The following ZFAT variants were observed in gnomAD, a reference collection of about 807,000 sequenced individuals.
The protein encoded by ZFAT is zinc finger protein ZFAT.
In ZFAT, 64 loss-of-function variants were observed where a neutral mutation model predicts 117.7. The observed-to-expected ratio is 0.54, with a 90% CI of 0.44 to 0.67. ZFAT has a LOEUF of 0.67. Ranked by LOEUF, ZFAT falls within the 30% of genes least tolerant of loss-of-function variation. The pLI, the probability that ZFAT is intolerant of heterozygous loss-of-function variation, is 0.00. For missense variants in ZFAT, 1,433 were observed against 1,584.5 expected (o/e 0.90, Z 1.62); for synonymous variants, 679 against 615.0 (o/e 1.10, Z -1.54).
the ZFAT span, among the ~76,000 whole-genome samples, chr8:134,743,450 T>C: frequency 6.6e-6 from 1 of 151,740 alleles, no homozygotes; most frequent in African/African-American, 2.4e-5. Flanking sequence ...GATCACACCA[T>C]TGCACTCCAG....
At position 134,610,662 on chromosome 8, in the gene ZFAT, A is replaced by G; in HGVS notation, c.449-7T>C. 6.2e-7 allele frequency: 1 copy of G among 1,613,524 alleles called. No individual in the cohort carries two copies. The highest frequency in any genetic ancestry group is 8.5e-7 in the Non-Finnish European group (1 of 1,179,880). ...TCAAGGTCAGACTCGTTACCTAAGG[A>G]GCAAATACCAAGATGCATAAGGTAT... On this transcript the variant is annotated splice_polypyrimidine_tract_variant and splice_region_variant and intron_variant, in intron 3 of 15. Transcript: ENST00000377838.
the ZFAT span, among the ~76,000 whole-genome samples, chr8:134,814,867 A>C: frequency 2.0e-5 from 3 of 152,254 alleles, no homozygotes; most frequent in Admixed American, 6.5e-5. Context: ...CAGCAGATAC[A>C]AAGCAAACAG....
rs878926182 is a variant in ZFAT at position 134,610,765 on chromosome 8, C to T, written c.449-110G>A. The stretch of plus-strand genomic sequence containing the variant: ...AGTAAAGGAAACACAGCTCTTTGGT[C>T]TGCAGTGCCACGCAGACCACGGAAT... On this transcript the variant is annotated intron_variant, in intron 3 of 15. Transcript: ENST00000377838. 64 of 1,294,826 alleles carry T rather than the reference C, an allele frequency of 4.9e-5. No homozygotes were observed. In the South Asian group the frequency reaches 8.5e-4, roughly 17 times the overall value. The allele number at this position is 1,294,826 out of a possible 1,614,324, so 80.2% of individuals were successfully genotyped here.
rs115328212 is a variant in ZFAT, at chr8:134,569,150, C to T, written c.2888-3729G>A. On this transcript the variant is annotated intron_variant, in intron 10 of 15. Transcript: ENST00000377838. Reference sequence around the variant, plus strand: ...CATCATGAGTTGCACTGGGGCATGACGTGTAAAATCTTACCATGCACCAAA... The same window carrying T: ...CATCATGAGTTGCACTGGGGCATGATGTGTAAAATCTTACCATGCACCAAA... 7.5e-3 allele frequency among the ~76,000 whole-genome samples: 1,143 copies of T among 152,208 alleles called. 16 individuals are homozygous for T. The highest frequency in any genetic ancestry group is 0.025 in the African/African-American group (1,046 of 41,508).
At chr8:134,601,384 C>A in intron 6 of ZFAT, 93 bp downstream of exon 6, 2 of 1,502,676 alleles carry the variant, frequency 1.3e-6, no homozygotes, top group African/African-American at 1.4e-5. Context: ...AGAAGGTATT[C>A]TTTGCAAACA....
chr8:134,665,462 G>A lies in ZFAT; in HGVS notation c.20-7725C>T, dbSNP rs181096299. On this transcript the variant is annotated intron_variant, in intron 1 of 15. Transcript: ENST00000377838. Reference sequence around the variant, plus strand: ...AGAGTGTCCTCCTCCTGCTGCTGCTGTCCTCTGTACGCCCACCTGGTGGGA... The same window carrying A: ...AGAGTGTCCTCCTCCTGCTGCTGCTATCCTCTGTACGCCCACCTGGTGGGA... 1.7e-4 allele frequency among the ~76,000 whole-genome samples: 26 copies of A among 152,320 alleles called. 1 individual carries two copies. Among genetic ancestry groups the A allele is most frequent in the African/African-American group, 6.3e-4 (26 of 41,572 alleles).
At chr8:134,760,814 C>T in the ZFAT span, among the ~76,000 whole-genome samples, 397 of 152,252 alleles carry the variant, frequency 2.6e-3, 1 homozygote, top group Middle Eastern at 0.024. Flanking sequence ...TGAGAACATA[C>T]GAGAATTTTA....
At chr8:134,481,825 C>T (rs1817330168) in intron 15 of ZFAT, among the ~76,000 whole-genome samples, 1 of 152,206 alleles carries the variant, frequency 6.6e-6, no homozygotes, top group Admixed American at 6.5e-5. Context: ...CGCCTGGGAC[C>T]ACTTCTTGGA....
chr8:134,565,535 A>G, intron 10 of ZFAT, 114 bp from the exon 11 acceptor site: 1 of 977,130 alleles, frequency 1.0e-6, no homozygotes, highest in Non-Finnish European at 1.6e-6. Context: ...TGTGAGGATC[A>G]GAATCTCAGA....
intron 3 of ZFAT, among the ~76,000 whole-genome samples, chr8:134,626,101 G>A (rs565696578): frequency 2.0e-5 from 3 of 152,312 alleles, no homozygotes; most frequent in South Asian, 4.1e-4. Context: ...CCTGCAAAAG[G>A]CCCTGAGTAC....
chr8:134,670,120 C>A (rs1467095734), intron 1 of ZFAT, among the ~76,000 whole-genome samples: 1 of 152,190 alleles, frequency 6.6e-6, no homozygotes, highest in East Asian at 1.9e-4. Flanking sequence ...TAGAGATCTA[C>A]AAAGAGACTT....
chr8:134,545,827 T>C (rs956575748), intron 11 of ZFAT, among the ~76,000 whole-genome samples: 1 of 152,208 alleles, frequency 6.6e-6, no homozygotes, highest in Non-Finnish European at 1.5e-5. Context: ...AGTGTTCACT[T>C]CATAATTATT....
intron 1 of ZFAT, among the ~76,000 whole-genome samples, chr8:134,710,515 T>C (rs1304805652): frequency 6.6e-6 from 1 of 152,256 alleles, no homozygotes; most frequent in Non-Finnish European, 1.5e-5. Flanking sequence ...GCATAGCGCA[T>C]GTATCTAAAT....
chr8:134,763,457 C>T, the ZFAT span, among the ~76,000 whole-genome samples: 1 of 152,202 alleles, frequency 6.6e-6, no homozygotes, highest in Non-Finnish European at 1.5e-5. Flanking sequence ...TCAAATCTTA[C>T]CTTCTTAAAG....
chr8:134,619,438 G>C (rs771413222), intron 3 of ZFAT, among the ~76,000 whole-genome samples: 7 of 152,150 alleles, frequency 4.6e-5, no homozygotes, highest in Admixed American at 1.3e-4. Context: ...AGCTCTGTCT[G>C]ATCTAACAAA....
intron 1 of ZFAT, among the ~76,000 whole-genome samples, chr8:134,666,776 A>T (rs754114121): frequency 1.4e-4 from 21 of 152,236 alleles, no homozygotes; most frequent in Non-Finnish European, 2.8e-4. Flanking sequence ...GACTGTAACA[A>T]AAGATTAACA....
the ZFAT span, among the ~76,000 whole-genome samples, chr8:134,724,861 C>T: frequency 1.2e-4 from 18 of 152,112 alleles, no homozygotes; most frequent in East Asian, 7.7e-4. Context: ...CCAGTTAAAG[C>T]GCTTCTCCCT....
At chr8:134,715,436 A>G (rs371644781), upstream of ZFAT, among the ~76,000 whole-genome samples, 69 of 152,348 alleles carry the variant, frequency 4.5e-4, 1 homozygote, top group Middle Eastern at 3.4e-3. Flanking sequence ...GCAGATGGAA[A>G]TGACTAAGAG....
chr8:134,493,552 A>T (rs11778966), intron 15 of ZFAT, among the ~76,000 whole-genome samples: 10,171 of 152,324 alleles, frequency 0.067, 487 homozygotes, highest in Non-Finnish European at 0.099. Context: ...TAATCATTTG[A>T]CTAGAAAAGG....
Sources: allele counts gnomAD v4.1 joint callset (sites outside exome capture counted in the v4.1 genomes callset), GRCh38; gene constraint gnomAD v4.1.1; transcripts MANE v1.5; gene names NCBI Gene and HGNC (gene_info 2026-07-23, HGNC 2026-07-21).